Variants in EPS8L2 observed in about 807,000 individuals in gnomAD.
EPS8L2 encodes epidermal growth factor receptor kinase substrate 8-like protein 2.
In EPS8L2, 81 loss-of-function variants were observed where a neutral mutation model predicts 99.4. The ratio of observed to expected loss-of-function variants is 0.82; its 90% confidence interval spans 0.68 to 0.98. The LOEUF (loss-of-function observed/expected upper bound fraction) is 0.98, where lower values mean the gene tolerates loss of function less well. Ranked by LOEUF, EPS8L2 falls within the 50% of genes least tolerant of loss-of-function variation. The pLI is 0.00. For missense variants in EPS8L2, 1,155 were observed against 968.8 expected (o/e 1.19, Z -2.55); for synonymous variants, 509 against 407.3 (o/e 1.25, Z -3.01).
chr11:709,511 G>A (rs1861827408), intron 2 of EPS8L2, 42 bp from the exon 3 acceptor site: 2 of 1,610,966 alleles, frequency 1.2e-6, no homozygotes, highest in Non-Finnish European at 1.7e-6. Flanking sequence ...TCCCCAGGGA[G>A]GGGTGCAGTT....
At chr11:711,271 T>TGC (rs1006609161) in intron 4 of EPS8L2, among the ~76,000 whole-genome samples, 130 of 133,172 alleles carry the variant, frequency 9.8e-4, no homozygotes, top group African/African-American at 4.3e-3. Context: ...CGTGCGTGCG[T>TGC]GTGTGTGTGT....
intron 4 of EPS8L2, among the ~76,000 whole-genome samples, chr11:712,360 G>A (rs1310744754): frequency 2.0e-5 from 3 of 151,794 alleles, no homozygotes; most frequent in Admixed American, 1.3e-4. Flanking sequence ...CTGGGTGCGA[G>A]CTGGGCTCCC....
At chr11:710,151 C>G (rs1320397188) in intron 3 of EPS8L2, 1 of 467,392 alleles carries the variant, frequency 2.1e-6, no homozygotes. Context: ...GACAGAAACC[C>G]CCCGGGCACA....
chr11:725,890 TG>T, intron 17 of EPS8L2, 43 bp downstream of exon 17: 1 of 1,359,312 alleles, frequency 7.4e-7, no homozygotes. Flanking sequence ...CCCAGCTTCC[TG>T]GAGCAGCCCC....
rs765971127 is a variant in EPS8L2, at chr11:726,687, A to T, written c.2003A>T (p.Lys668Ile). ...TCCCTCAACAAGGAGGAGCTGAAGA[A>T]AGTGTGCGGCGAGGAGGGCGTCCGC... The part of the protein sequence containing the change: ...LFSLNKEELK[K>I]VCGEEGVRVY... The change falls in exon 20 of 21, where the codon AAA becomes ATA. Residue 668 changes from lysine (K) to isoleucine (I), a missense_variant. Coordinates refer to ENST00000318562, the MANE Select transcript of EPS8L2 (RefSeq NM_022772.4). 7 of 1,585,642 alleles carry T rather than the reference A, an allele frequency of 4.4e-6. No individual in the cohort carries two copies. The highest frequency in any genetic ancestry group is 5.1e-6 in the Non-Finnish European group (6 of 1,167,416).
Position 720,679 on chromosome 11 carries a change from T to C in EPS8L2, c.410T>C (p.Leu137Pro). The C allele has an allele frequency of 6.3e-7, 1 of 1,597,736 alleles. No homozygotes were observed. Among genetic ancestry groups the C allele is most frequent in the East Asian group, 2.3e-5 (1 of 44,300 alleles). The change falls in exon 6 of 21, where the codon CTG becomes CCG. Residue 137 changes from leucine (L) to proline (P), a missense_variant. Leu to Pro is a moderately conservative substitution (Grantham distance 98). Transcript: ENST00000318562. ...LNQLRYPSVL[L>P]LVCQDSEQSK... ...CAGCTGCGCTACCCGTCTGTGCTGC[T>C]GCTCGTGTGCCAGGACTCGGAGCAG...
rs2133522126 is a variant in EPS8L2, at chr11:720,048, C to T, written c.166-14C>T. On this transcript the variant is annotated splice_polypyrimidine_tract_variant and intron_variant, in intron 4 of 20. Transcript: ENST00000318562. ...GAGGGCTCTGCCCAGCAGTGACCACCTGCCCACCCCCAGCACCTGGCCACA... is the reference window on the plus strand; with the variant it reads ...GAGGGCTCTGCCCAGCAGTGACCACTTGCCCACCCCCAGCACCTGGCCACA... 1.9e-6 allele frequency: 3 copies of T among 1,607,556 alleles called. No individual in the cohort carries two copies. The highest frequency in any genetic ancestry group is 2.2e-5 in the East Asian group (1 of 44,618).
chr11:715,353 G>A (rs940272632), intron 4 of EPS8L2, among the ~76,000 whole-genome samples: 14 of 152,102 alleles, frequency 9.2e-5, no homozygotes, highest in South Asian at 6.2e-4. Flanking sequence ...GGAAGGTTTC[G>A]GTTATTAATC....
chr11:714,799 G>C (rs1461668328), intron 4 of EPS8L2, among the ~76,000 whole-genome samples: 1 of 151,940 alleles, frequency 6.6e-6, no homozygotes, highest in East Asian at 1.9e-4. Flanking sequence ...GACTGATGTG[G>C]TAATATTGTT....
At chr11:723,609 A>G (rs1324319169) in intron 15 of EPS8L2, among the ~76,000 whole-genome samples, 1 of 152,206 alleles carries the variant, frequency 6.6e-6, no homozygotes, top group Non-Finnish European at 1.5e-5. Context: ...ATGTTTTAGA[A>G]CCAAGGTTAG....
At chr11:726,202 G>C in intron 18 of EPS8L2, 32 bp downstream of exon 18, 1 of 1,588,412 alleles carries the variant, frequency 6.3e-7, no homozygotes, top group South Asian at 1.1e-5. Context: ...CGGGGGTCCC[G>C]GGCCCAGGGC....
At chr11:716,052 A>C (rs1862019330) in intron 4 of EPS8L2, among the ~76,000 whole-genome samples, 1 of 143,632 alleles carries the variant, frequency 7.0e-6, no homozygotes, top group Non-Finnish European at 1.5e-5. Context: ...AGCTCACTGC[A>C]ACCTCCGCCT....
Position 724,454 on chromosome 11 carries a change from C to T in EPS8L2, c.1455-270C>T. The T allele has an allele frequency of 2.0e-6, 1 of 491,418 alleles. No individual in the cohort carries two copies. The highest frequency in any genetic ancestry group is 3.7e-6 in the Non-Finnish European group (1 of 269,660). The allele number at this position is 491,418 out of a possible 1,614,324, so 30.4% of individuals were successfully genotyped here. A position where few individuals can be genotyped will look rare whatever the true frequency, so the allele number is the denominator to read the frequency against. ...GCCGGACTGGAGACCCCTGAGGTGG[C>T]CTGGGATGGGCCAGCCTTGCTGTAC... On this transcript the variant is annotated intron_variant, in intron 15 of 20. Transcript: ENST00000318562. This position sits in a 1 kb window ranked among gnomAD's most constrained non-coding sequence, Gnocchi z 5.5.
At position 721,910 on chromosome 11, in the gene EPS8L2, C is replaced by T. The variant is rs146681576; in HGVS notation, c.903C>T (p.Val301=). 68 of 1,589,046 alleles carry T rather than the reference C, an allele frequency of 4.3e-5. No homozygotes were observed. The African/African-American group carries it at 8.5e-4, about 20-fold the overall frequency. Residue 301 remains valine (V), a synonymous_variant, in exon 11 of 21, where the codon GTC becomes GTT. Transcript: ENST00000318562. ...CGGTGCCTCCCATGCCAGAGGGCGT[C>T]CTCACACTGCGGGCACGGCCCCCCT... The part of the protein sequence containing the change: ...KKGKKAPAEG[V]LTLRARPPSE...
In EPS8L2 at chr11:726,601, C is replaced by T; in HGVS notation, c.1935-18C>T. Reference sequence around the variant, plus strand: ...CTCGCTCACAGCGCGGCCCTGACGCCCAACTGCCCGCCCCCAGGATCGTGG... The same window carrying T: ...CTCGCTCACAGCGCGGCCCTGACGCTCAACTGCCCGCCCCCAGGATCGTGG... On this transcript the variant is annotated intron_variant, in intron 19 of 20. Coordinates refer to ENST00000318562, the MANE Select transcript of EPS8L2 (RefSeq NM_022772.4). 6.5e-7 allele frequency: 1 copy of T among 1,541,544 alleles called. No homozygotes were observed. The highest frequency in any genetic ancestry group is 1.2e-5 in the South Asian group (1 of 83,230).
intron 4 of EPS8L2, among the ~76,000 whole-genome samples, chr11:718,268 G>A (rs1862071024): frequency 6.6e-6 from 1 of 152,168 alleles, no homozygotes; most frequent in African/African-American, 2.4e-5. Context: ...GGGAGGCGGA[G>A]CTTGCAGTGA....
chr11:711,453 C>T (rs1564970298), intron 4 of EPS8L2, among the ~76,000 whole-genome samples: 1 of 152,074 alleles, frequency 6.6e-6, no homozygotes, highest in Non-Finnish European at 1.5e-5. Flanking sequence ...TCAAGTGATC[C>T]CCTCACCTCA....
At position 720,760 on chromosome 11, in the gene EPS8L2, G is replaced by C. The variant is rs747463415; in HGVS notation, c.477+14G>C. ...GATGAGGTGGAGGTGAGGCGGTGCC[G>C]GGCGGGGCAGGGTGGGGCCCCGCCG... On this transcript the variant is annotated intron_variant, in intron 6 of 20. Coordinates refer to ENST00000318562, the MANE Select transcript of EPS8L2 (RefSeq NM_022772.4). The C allele has an allele frequency of 1.3e-6, 2 of 1,539,472 alleles. No individual in the cohort carries two copies. The highest frequency in any genetic ancestry group is 1.7e-6 in the Non-Finnish European group (2 of 1,143,046).
At position 709,402 on chromosome 11, in the gene EPS8L2, G is replaced by A; in HGVS notation, c.-6G>A. The A allele has an allele frequency of 6.3e-7, 1 of 1,582,948 alleles. No homozygotes were observed. ...CCTTCTCCCGCTGGCCGCCACCCAAGACACCATGAGCCAGTCCGGGGCCGT... is the reference window on the plus strand; with the variant it reads ...CCTTCTCCCGCTGGCCGCCACCCAAAACACCATGAGCCAGTCCGGGGCCGT... On this transcript the variant is annotated 5_prime_UTR_variant, in exon 2 of 21. Coordinates refer to ENST00000318562, the MANE Select transcript of EPS8L2 (RefSeq NM_022772.4).
Sources: gnomAD v4.1 joint callset for allele counts (sites outside exome capture counted in the v4.1 genomes callset) on GRCh38, gnomAD v4.1.1 for gene constraint, Gnocchi (gnomAD v3.1) non-coding constraint, MANE v1.5 for transcripts, NCBI Gene and HGNC (gene_info 2026-07-23, HGNC 2026-07-21) for gene names.